CRYBA4: variants seen among roughly 807,000 people sequenced by gnomAD.
The protein encoded by CRYBA4 is crystallin beta A4, also known as beta-crystallin A4.
CRYBA4 carries 30 observed loss-of-function variants against 31.7 expected under a neutral mutation model. The ratio of observed to expected loss-of-function variants is 0.95; its 90% confidence interval spans 0.71 to 1.28. The LOEUF is 1.28. Ranked by LOEUF, CRYBA4 falls within the 50% of genes most tolerant of loss-of-function variation. CRYBA4 has a pLI of 0.00. For missense variants in CRYBA4, 225 were observed against 260.7 expected (o/e 0.86, Z 0.94); for synonymous variants, 102 against 102.3 (o/e 1.00, Z 0.02).
the CRYBA4 span, among the ~76,000 whole-genome samples, chr22:26,605,956 A>G: frequency 6.6e-6 from 1 of 152,326 alleles, no homozygotes; most frequent in South Asian, 2.1e-4. Context: ...GTGGCTCAGG[A>G]TGGCTTTGAA....
At chr22:26,612,610 C>T in the CRYBA4 span, among the ~76,000 whole-genome samples, 1 of 152,220 alleles carries the variant, frequency 6.6e-6, no homozygotes, top group Non-Finnish European at 1.5e-5. Flanking sequence ...GCCTTGGCTT[C>T]CCAAAGTGTT....
the CRYBA4 span, among the ~76,000 whole-genome samples, chr22:26,608,481 AAG>A: frequency 5.3e-5 from 8 of 152,218 alleles, no homozygotes; most frequent in Admixed American, 5.2e-4. Flanking sequence ...TTTTGTAACA[AAG>A]AGAGAAAAGA....
At chr22:26,609,123 G>T in the CRYBA4 span, among the ~76,000 whole-genome samples, 47 of 152,248 alleles carry the variant, frequency 3.1e-4, no homozygotes, top group African/African-American at 1.1e-3. Flanking sequence ...AAAAAGAGAC[G>T]GATGAGGGGA....
chr22:26,594,690 A>G, the CRYBA4 span, among the ~76,000 whole-genome samples: 1 of 150,244 alleles, frequency 6.7e-6, no homozygotes. Flanking sequence ...GACTCTAGCT[A>G]AAACAAAAAA....
the CRYBA4 span, chr22:26,596,511 ATAAT>A: frequency 6.6e-6 from 1 of 152,276 alleles, no homozygotes; most frequent in Non-Finnish European, 1.5e-5. Flanking sequence ...TAAGTTGAAA[ATAAT>A]TCTTTCAATA....
chr22:26,627,592 CTT>C (rs1011080921), intron 4 of CRYBA4, among the ~76,000 whole-genome samples: 3 of 92,476 alleles, frequency 3.2e-5, no homozygotes, highest in Non-Finnish European at 4.5e-5. Flanking sequence ...TTCTTTTTCT[CTT>C]TCTTTCTTTC....
chr22:26,598,332 TTC>T, the CRYBA4 span, among the ~76,000 whole-genome samples: 15 of 152,004 alleles, frequency 9.9e-5, no homozygotes, highest in African/African-American at 3.4e-4. Context: ...CTTCCTTCCT[TTC>T]TCTCTCTCTC....
At chr22:26,608,115 A>AGCCCT in the CRYBA4 span, 1 of 1,591,668 alleles carries the variant, frequency 6.3e-7, no homozygotes, top group Non-Finnish European at 8.6e-7. Context: ...CTGGCAAGGC[A>AGCCCT]GCCCTGAGGA....
At chr22:26,629,452 A>G (rs1338042513) in intron 5 of CRYBA4, among the ~76,000 whole-genome samples, 136 of 151,954 alleles carry the variant, frequency 9.0e-4, no homozygotes, top group Non-Finnish European at 4.4e-5. Context: ...GTAGAAATCA[A>G]TGAGTTGGGC....
chr22:26,622,887 GT>G (rs1929576504), intron 2 of CRYBA4, among the ~76,000 whole-genome samples: 1 of 152,176 alleles, frequency 6.6e-6, no homozygotes, highest in Admixed American at 6.5e-5. Flanking sequence ...GACCATCTCT[GT>G]GTGTGTTTGT....
chr22:26,595,163 C>T, the CRYBA4 span, among the ~76,000 whole-genome samples: 2 of 152,104 alleles, frequency 1.3e-5, no homozygotes, highest in South Asian at 2.1e-4. Flanking sequence ...TTTGTTTATT[C>T]ATAAATTCAT....
chr22:26,630,172 G>A (rs1475161798), intron 5 of CRYBA4, among the ~76,000 whole-genome samples, 168 bp from the exon 6 acceptor site: 2 of 152,224 alleles, frequency 1.3e-5, no homozygotes, highest in Admixed American at 1.3e-4. Context: ...AAAGGGAATG[G>A]CATGATCAAA....
At chr22:26,616,893 A>C in the CRYBA4 span, among the ~76,000 whole-genome samples, 1 of 152,338 alleles carries the variant, frequency 6.6e-6, no homozygotes, top group East Asian at 1.9e-4. Context: ...AACTCAAGGA[A>C]ATGGAGCCAG....
the CRYBA4 span, among the ~76,000 whole-genome samples, chr22:26,602,313 A>G: frequency 6.6e-6 from 1 of 152,126 alleles, no homozygotes; most frequent in Admixed American, 6.5e-5. Flanking sequence ...GCCGGGTGCC[A>G]TGGCTCATGT....
chr22:26,620,676 G>A (rs901049068), upstream of CRYBA4, among the ~76,000 whole-genome samples: 21 of 144,670 alleles, frequency 1.5e-4, no homozygotes, highest in African/African-American at 5.2e-4. Context: ...CAATTCTCCT[G>A]CCTCAGCCTC....
chr22:26,618,502 G>A (rs1929434962), upstream of CRYBA4, among the ~76,000 whole-genome samples: 1 of 147,582 alleles, frequency 6.8e-6, no homozygotes, highest in Non-Finnish European at 1.5e-5. Context: ...GAGCACAGAA[G>A]CGTTTTGTAA....
chr22:26,628,240 T>C (rs1160360303), intron 4 of CRYBA4, 48 bp from the exon 5 acceptor site: 1 of 1,612,484 alleles, frequency 6.2e-7, no homozygotes, highest in South Asian at 1.1e-5. Context: ...GGCTCCTGGG[T>C]TTCCAACTGG....
At chr22:26,628,083 A>G (rs1236401291) in intron 4 of CRYBA4, among the ~76,000 whole-genome samples, 1 of 151,982 alleles carries the variant, frequency 6.6e-6, no homozygotes, top group African/African-American at 2.4e-5. Flanking sequence ...CTTGCAGCCT[A>G]TTTATTCCAT....
At chr22:26,626,095 T>C (rs572815895) in intron 4 of CRYBA4, among the ~76,000 whole-genome samples, 3 of 152,250 alleles carry the variant, frequency 2.0e-5, no homozygotes, top group East Asian at 3.9e-4. Context: ...AATGAAAACA[T>C]TGAGGCTCAG....
Sources: gnomAD v4.1 joint callset for allele counts (sites outside exome capture counted in the v4.1 genomes callset) on GRCh38, gnomAD v4.1.1 for gene constraint, MANE v1.5 for transcripts, NCBI Gene and HGNC (gene_info 2026-07-23, HGNC 2026-07-21) for gene names.